The following KCNH5 variants were observed in gnomAD, a reference collection of about 807,000 sequenced individuals.
KCNH5 encodes the protein voltage-gated delayed rectifier potassium channel KCNH5.
Under a neutral mutation model 96.1 loss-of-function variants are expected in KCNH5, and 46 were observed. The observed-to-expected ratio is 0.48, with a 90% CI of 0.38 to 0.61. The LOEUF is 0.61. Ranked by LOEUF, KCNH5 falls within the 20% of genes least tolerant of loss-of-function variation. KCNH5 has a pLI of 0.00. For synonymous variants in KCNH5, 439 were observed against 449.8 expected, an observed-to-expected ratio of 0.98 and a Z score of 0.30; for missense variants, 907 against 1,225.8, an observed-to-expected ratio of 0.74 and a Z score of 3.88.
At chr14:62,802,675 A>G (rs1044139661) in intron 8 of KCNH5, 94 bp from the exon 9 acceptor site, 3 of 1,426,244 alleles carry the variant, frequency 2.1e-6, no homozygotes, top group African/African-American at 2.8e-5. Flanking sequence ...GACTATGACT[A>G]TGTCTGCTAC....
chr14:63,006,013 T>TA (rs1300085652), intron 3 of KCNH5, among the ~76,000 whole-genome samples: 2 of 152,234 alleles, frequency 1.3e-5, no homozygotes, highest in Non-Finnish European at 2.9e-5. Context: ...TGTTAACAAT[T>TA]ACCGTTTTCT....
intron 1 of KCNH5, among the ~76,000 whole-genome samples, chr14:63,023,701 C>G (rs1891471836): frequency 6.6e-6 from 1 of 152,160 alleles, no homozygotes; most frequent in Non-Finnish European, 1.5e-5. Flanking sequence ...ACAGAATATT[C>G]TGCAGGATAG....
At chr14:62,877,722 T>C (rs1305151873) in intron 7 of KCNH5, among the ~76,000 whole-genome samples, 3 of 151,562 alleles carry the variant, frequency 2.0e-5, no homozygotes, top group South Asian at 2.1e-4. Context: ...TGTGGAGAAA[T>C]AGGAACACTT....
intron 8 of KCNH5, among the ~76,000 whole-genome samples, chr14:62,843,690 G>A (rs1023300683): frequency 3.9e-5 from 6 of 151,998 alleles, no homozygotes; most frequent in African/African-American, 9.7e-5. Context: ...GATTACAGGC[G>A]TGAGCCACTG....
In KCNH5 at chr14:62,948,097, G is replaced by A. The variant is rs11850972; in HGVS notation, c.1369+2036C>T. ...GCGGTGTTTGGTTTTTTGTTCTTGC[G>A]ATAGTTTACTGAGAATGATGGTTTC... On this transcript the variant is annotated intron_variant, in intron 7 of 10. Coordinates refer to ENST00000322893, the MANE Select transcript of KCNH5 (RefSeq NM_139318.5). Among the ~76,000 whole-genome samples the A allele has an allele frequency of 1.9e-3, 292 of 151,836 alleles. 2 individuals are homozygous for A. The highest frequency in any genetic ancestry group is 6.9e-3 in the African/African-American group (285 of 41,406).
rs1886682823 is a variant in KCNH5 at position 62,802,475 on chromosome 14, A to C, written c.1676T>G (p.Leu559Arg). The C allele has an allele frequency of 6.2e-7, 1 of 1,614,040 alleles. No homozygotes were observed. Among genetic ancestry groups the C allele is most frequent in the Non-Finnish European group, 8.5e-7 (1 of 1,180,020 alleles). Residue 559 changes from leucine (L) to arginine (R), a missense_variant, in exon 9 of 11, where the codon CTG (leucine) becomes CGG (arginine). By Grantham distance (102) the Leu-to-Arg change is moderately radical. Around this residue, in one of 6 missense-constraint regions of KCNH5, gnomAD observed 95 missense variants for 111.8 expected, o/e 0.85. Transcript: ENST00000322893. ...PAFRLASDGC[L>R]RALAVEFQTI... Reference sequence around the variant, plus strand: ...TTGGAACTCTACCGCCAAGGCGCGCAGACACCCATCGCTGGCCAATCGAAA... The same window carrying C: ...TTGGAACTCTACCGCCAAGGCGCGCCGACACCCATCGCTGGCCAATCGAAA...
intron 7 of KCNH5, among the ~76,000 whole-genome samples, chr14:62,947,065 A>C (rs1041775950): frequency 6.6e-6 from 1 of 152,184 alleles, no homozygotes; most frequent in Non-Finnish European, 1.5e-5. Flanking sequence ...ATCATTGTCA[A>C]TTTTGATACT....
chr14:62,838,454 C>T (rs1887509106), intron 8 of KCNH5, among the ~76,000 whole-genome samples: 1 of 152,160 alleles, frequency 6.6e-6, no homozygotes, highest in Non-Finnish European at 1.5e-5. Context: ...TCTAAGCAAC[C>T]TGAACTTGTT....
intron 4 of KCNH5, among the ~76,000 whole-genome samples, chr14:62,990,673 G>T (rs188267473): frequency 1.3e-5 from 2 of 152,106 alleles, no homozygotes; most frequent in South Asian, 2.1e-4. Context: ...TGACTGCATC[G>T]TGCGACTTTT....
chr14:62,950,583 ATT>A, intron 6 of KCNH5, 24 bp from the exon 7 acceptor site: 1 of 1,385,460 alleles, frequency 7.2e-7, no homozygotes, highest in Non-Finnish European at 9.7e-7. Flanking sequence ...AAAAAAAAAA[ATT>A]ACACCACATT....
intron 8 of KCNH5, among the ~76,000 whole-genome samples, chr14:62,836,488 A>G (rs1277954727): frequency 6.6e-6 from 1 of 152,102 alleles, no homozygotes; most frequent in African/African-American, 2.4e-5. Context: ...GAGTACTTGC[A>G]AAGTAGTAAA....
At chr14:62,952,476 G>A (rs1329244624) in intron 6 of KCNH5, among the ~76,000 whole-genome samples, 2 of 152,068 alleles carry the variant, frequency 1.3e-5, no homozygotes, top group Non-Finnish European at 2.9e-5. Flanking sequence ...AGATAAATAT[G>A]CCTCACTTCT....
At chr14:63,004,685 G>A (rs1891093416) in intron 3 of KCNH5, among the ~76,000 whole-genome samples, 1 of 152,170 alleles carries the variant, frequency 6.6e-6, no homozygotes, top group African/African-American at 2.4e-5. Context: ...GCTCACTGCA[G>A]CCTCGAACTC....
At chr14:62,763,093 TCTC>T (rs1482490468) in intron 10 of KCNH5, among the ~76,000 whole-genome samples, 4 of 151,956 alleles carry the variant, frequency 2.6e-5, no homozygotes, top group Non-Finnish European at 4.4e-5. Flanking sequence ...AATATACAAT[TCTC>T]CTCATCTGCA....
At chr14:63,026,846 G>C (rs959048188) in intron 1 of KCNH5, among the ~76,000 whole-genome samples, 13 of 151,910 alleles carry the variant, frequency 8.6e-5, no homozygotes, top group Admixed American at 6.6e-5. Context: ...GCGATTCCAC[G>C]ACTCAGTAAA....
intron 8 of KCNH5, among the ~76,000 whole-genome samples, chr14:62,804,419 T>C (rs562148903): frequency 6.6e-6 from 1 of 152,330 alleles, no homozygotes; most frequent in South Asian, 2.1e-4. Context: ...TTACTGAGCT[T>C]CCACAATGGG....
intron 10 of KCNH5, among the ~76,000 whole-genome samples, chr14:62,718,842 T>C (rs1425627277): frequency 2.0e-5 from 3 of 152,156 alleles, no homozygotes; most frequent in Non-Finnish European, 2.9e-5. Context: ...AAAAATGTAG[T>C]GTATCCATAC....
intron 1 of KCNH5, among the ~76,000 whole-genome samples, chr14:63,020,496 C>T (rs8011042): frequency 0.25 from 38,651 of 151,768 alleles, 6,456 homozygotes; most frequent in East Asian, 0.57. Context: ...AAACTTCTGA[C>T]ACATGCAACA....
chr14:62,901,931 T>C (rs1045403454), intron 7 of KCNH5, among the ~76,000 whole-genome samples: 8 of 152,230 alleles, frequency 5.3e-5, no homozygotes, highest in Non-Finnish European at 7.3e-5. Flanking sequence ...TGGTGTGAGA[T>C]GGTGTATCAC....
Sources: gnomAD v4.1 joint callset for allele counts (sites outside exome capture counted in the v4.1 genomes callset) on GRCh38, gnomAD v4.1.1 for gene constraint, gnomAD v4.1.1 regional missense constraint, MANE v1.5 for transcripts, NCBI Gene and HGNC (gene_info 2026-07-23, HGNC 2026-07-21) for gene names.